The following SLC9A9 variants were observed in gnomAD, a reference collection of about 807,000 sequenced individuals.
SLC9A9 encodes the protein sodium/hydrogen exchanger 9.
A neutral mutation model predicts 77.8 loss-of-function variants in SLC9A9; 62 were observed. That is an observed-to-expected ratio of 0.80 (90% CI 0.65 to 0.98). The LOEUF (loss-of-function observed/expected upper bound fraction) is 0.98, where lower values mean the gene tolerates loss of function less well. SLC9A9 is among the 50% of genes least tolerant of loss of function. The probability of loss-of-function intolerance (pLI) is 0.00; values close to 1 mark genes in which losing one functional copy is unlikely to be tolerated. For missense variants in SLC9A9, 775 were observed against 774.9 expected (o/e 1.00, Z 0.00); for synonymous variants, 320 against 283.5 (o/e 1.13, Z -1.29).
chr3:143,556,298 G>A (rs913688999), intron 8 of SLC9A9, among the ~76,000 whole-genome samples: 4 of 152,198 alleles, frequency 2.6e-5, no homozygotes, highest in African/African-American at 9.7e-5. Context: ...TTTTGTGCCA[G>A]TCATCAAACC....
intron 2 of SLC9A9, among the ~76,000 whole-genome samples, chr3:143,801,315 G>A (rs183654266): frequency 2.7e-3 from 416 of 152,226 alleles, no homozygotes; most frequent in African/African-American, 9.6e-3. Flanking sequence ...TCCATGCAGC[G>A]GCTGCCACTG....
intron 13 of SLC9A9, chr3:143,372,117 G>A (rs1370216494): frequency 4.2e-6 from 1 of 235,914 alleles, no homozygotes; most frequent in East Asian, 1.3e-4. Flanking sequence ...AGAAGAATCA[G>A]TATCACGAAA....
At chr3:143,362,372 C>T (rs565287835) in intron 14 of SLC9A9, among the ~76,000 whole-genome samples, 1 of 152,268 alleles carries the variant, frequency 6.6e-6, no homozygotes, top group East Asian at 1.9e-4. Flanking sequence ...TGCAAAATTG[C>T]TTTTTAATTG....
intron 6 of SLC9A9, among the ~76,000 whole-genome samples, chr3:143,606,458 A>ATATATATATG (rs1268409935): frequency 6.9e-6 from 1 of 144,488 alleles, no homozygotes; most frequent in African/African-American, 2.5e-5. Context: ...ATATATATAT[A>ATATATATATG]TATGTATATA....
At chr3:143,642,796 G>T (rs947706126) in intron 6 of SLC9A9, among the ~76,000 whole-genome samples, 2 of 151,864 alleles carry the variant, frequency 1.3e-5, no homozygotes, top group Non-Finnish European at 2.9e-5. Context: ...CTGTTTCATC[G>T]CTGGGTTTAA....
intron 9 of SLC9A9, among the ~76,000 whole-genome samples, chr3:143,507,373 A>G (rs894762869): frequency 4.0e-5 from 6 of 151,892 alleles, no homozygotes; most frequent in Non-Finnish European, 8.8e-5. Context: ...GCGCCCGGCT[A>G]ATTTTTTGTA....
intron 14 of SLC9A9, among the ~76,000 whole-genome samples, chr3:143,281,332 C>T (rs1270930781): frequency 6.6e-6 from 1 of 152,146 alleles, no homozygotes; most frequent in East Asian, 1.9e-4. Context: ...ATGTTTACCA[C>T]AGTGTAGTCT....
chr3:143,644,591 G>C (rs920374704), intron 6 of SLC9A9, among the ~76,000 whole-genome samples: 5 of 152,154 alleles, frequency 3.3e-5, no homozygotes, highest in African/African-American at 1.2e-4. Context: ...GCAGCACACC[G>C]AGCACACAAC....
At chr3:143,500,741 T>C (rs992790943) in intron 9 of SLC9A9, among the ~76,000 whole-genome samples, 2 of 151,046 alleles carry the variant, frequency 1.3e-5, no homozygotes, top group Non-Finnish European at 2.9e-5. Flanking sequence ...TTATGGTATT[T>C]ATAATGTTAT....
At chr3:143,843,334 G>T (rs2009753503) in intron 1 of SLC9A9, among the ~76,000 whole-genome samples, 1 of 152,164 alleles carries the variant, frequency 6.6e-6, no homozygotes, top group Non-Finnish European at 1.5e-5. Flanking sequence ...ATTAATGCCT[G>T]CAGAAGATTT....
intron 9 of SLC9A9, chr3:143,504,088 G>A (rs2035970707): frequency 2.0e-6 from 1 of 503,024 alleles, no homozygotes; most frequent in Non-Finnish European, 3.9e-6. Context: ...CCCGTTCTCA[G>A]CCTTGATGGT....
intron 9 of SLC9A9, among the ~76,000 whole-genome samples, chr3:143,514,655 T>C (rs1462102860): frequency 6.6e-6 from 1 of 152,248 alleles, no homozygotes; most frequent in Non-Finnish European, 1.5e-5. Flanking sequence ...AGACAGCTTC[T>C]TTCTTCAAAC....
intron 14 of SLC9A9, among the ~76,000 whole-genome samples, chr3:143,291,610 C>CA (rs1413905229): frequency 2.0e-5 from 3 of 152,278 alleles, no homozygotes; most frequent in South Asian, 2.1e-4. Flanking sequence ...CAGGAAAGGA[C>CA]AAACCCAACT....
At chr3:143,713,957 C>T (rs16854174) in intron 4 of SLC9A9, among the ~76,000 whole-genome samples, 5,223 of 152,290 alleles carry the variant, frequency 0.034, 290 homozygotes, top group African/African-American at 0.12. Context: ...CACTCAAAAT[C>T]TGGCACTGGA....
chr3:143,369,840 T>G (rs2033005300), intron 13 of SLC9A9, among the ~76,000 whole-genome samples: 1 of 152,192 alleles, frequency 6.6e-6, no homozygotes, highest in South Asian at 2.1e-4. Context: ...TTGGACCATG[T>G]GCTCTGAGAA....
At chr3:143,396,399 G>T (rs2033729620) in intron 12 of SLC9A9, among the ~76,000 whole-genome samples, 1 of 152,152 alleles carries the variant, frequency 6.6e-6, no homozygotes, top group Non-Finnish European at 1.5e-5. Flanking sequence ...TGAACCATGA[G>T]AACACATGGA....
At chr3:143,839,650 CT>C (rs902887366) in intron 1 of SLC9A9, among the ~76,000 whole-genome samples, 148 of 152,258 alleles carry the variant, frequency 9.7e-4, no homozygotes, top group African/African-American at 3.4e-3. Flanking sequence ...AATGTACACA[CT>C]TCACAAAACT....
intron 2 of SLC9A9, among the ~76,000 whole-genome samples, chr3:143,822,606 C>A (rs1021944584): frequency 2.0e-5 from 3 of 152,208 alleles, no homozygotes; most frequent in Non-Finnish European, 4.4e-5. Context: ...TAAACAGGAG[C>A]TTCCTAATGA....
At chr3:143,335,796 A>G (rs186602969) in intron 14 of SLC9A9, among the ~76,000 whole-genome samples, 2 of 152,322 alleles carry the variant, frequency 1.3e-5, no homozygotes, top group Admixed American at 1.3e-4. Context: ...AAGATCTAAA[A>G]CTATAAAGCT....
Sources: allele counts gnomAD v4.1 joint callset (sites outside exome capture counted in the v4.1 genomes callset), GRCh38; gene constraint gnomAD v4.1.1; transcripts MANE v1.5; gene names NCBI Gene and HGNC (gene_info 2026-07-23, HGNC 2026-07-21).